The following PCDHGA1 variants were observed in gnomAD, a reference collection of about 807,000 sequenced individuals.
The protein encoded by PCDHGA1 is protocadherin gamma-A1.
Under a neutral mutation model 58.0 loss-of-function variants are expected in PCDHGA1, and 32 were observed. The observed-to-expected ratio is 0.55, with a 90% CI of 0.42 to 0.74. The LOEUF (loss-of-function observed/expected upper bound fraction) is 0.74, where lower values mean the gene tolerates loss of function less well. Ranked by LOEUF, PCDHGA1 falls within the 30% of genes least tolerant of loss-of-function variation. PCDHGA1 has a pLI of 0.00. For missense variants in PCDHGA1, 1,205 were observed against 1,182.3 expected, an observed-to-expected ratio of 1.02 and a Z score of -0.28; for synonymous variants, 498 against 501.1, an observed-to-expected ratio of 0.99 and a Z score of 0.08.
chr5:141,408,918 C>T, intron 1 of PCDHGA1: 1 of 1,613,408 alleles, frequency 6.2e-7, no homozygotes. Flanking sequence ...AATGATAACC[C>T]CCCGGTTTTC....
At position 141,330,885 on chromosome 5, in the gene PCDHGA1, C is replaced by T. The variant is rs369088470; in HGVS notation, c.201C>T (p.Val67=). 1.2e-6 allele frequency: 2 copies of T among 1,614,120 alleles called. No homozygotes were observed. The highest frequency in any genetic ancestry group is 2.7e-5 in the African/African-American group (2 of 74,934). Residue 67 remains valine (V), a synonymous_variant, in exon 1 of 4, where the codon GTC becomes GTT. Transcript: ENST00000517417. ...QELADGGVRI[V]SRGRMPLFAL... is the part of the protein sequence containing the mutation. ...TGGCAGATGGCGGAGTCCGCATCGT[C>T]TCCAGAGGTAGGATGCCGCTTTTCG...
At chr5:141,395,253 T>G (rs765397414) in intron 1 of PCDHGA1, 1 of 1,557,696 alleles carries the variant, frequency 6.4e-7, no homozygotes, top group Admixed American at 2.0e-5. Flanking sequence ...TTTAGTTCTT[T>G]GCTTGCTTTT....
chr5:141,492,719 C>A (rs1367632029), intron 1 of PCDHGA1, among the ~76,000 whole-genome samples: 1 of 152,280 alleles, frequency 6.6e-6, no homozygotes, highest in Non-Finnish European at 1.5e-5. Context: ...AGCAGGCGGA[C>A]AGGCAGAGCT....
chr5:141,436,068 T>A (rs1343785335), intron 1 of PCDHGA1, among the ~76,000 whole-genome samples: 1 of 152,190 alleles, frequency 6.6e-6, no homozygotes, highest in Non-Finnish European at 1.5e-5. Flanking sequence ...ATTTAATAAG[T>A]ACAGTGTTCT....
At chr5:141,447,209 G>A (rs1004956165) in intron 1 of PCDHGA1, among the ~76,000 whole-genome samples, 3 of 151,850 alleles carry the variant, frequency 2.0e-5, no homozygotes, top group East Asian at 3.9e-4. Context: ...GCTTGATCTC[G>A]GCTCACTGCA....
chr5:141,355,969 G>A (rs1359465657), intron 1 of PCDHGA1: 6 of 1,613,732 alleles, frequency 3.7e-6, no homozygotes, highest in Middle Eastern at 3.3e-4. Context: ...GAACGTTCCT[G>A]TAGGCACTCG....
At chr5:141,496,080 C>G (rs2099765822) in intron 2 of PCDHGA1, among the ~76,000 whole-genome samples, 2 of 152,150 alleles carry the variant, frequency 1.3e-5, no homozygotes, top group East Asian at 1.9e-4. Context: ...ACACAACCCC[C>G]CACCCACCAC....
intron 1 of PCDHGA1, chr5:141,399,663 G>C: frequency 6.2e-7 from 1 of 1,613,624 alleles, no homozygotes; most frequent in Non-Finnish European, 8.5e-7. Context: ...TGGTGTTCGC[G>C]CAGCGCGCCT....
At chr5:141,376,674 TCG>T in intron 1 of PCDHGA1, 1 of 648,166 alleles carries the variant, frequency 1.5e-6, no homozygotes, top group South Asian at 2.1e-5. Context: ...GGTGAGGGTA[TCG>T]TTTTTTTTTT....
At chr5:141,377,717 T>C (rs1025721438) in intron 1 of PCDHGA1, 1 of 152,222 alleles carries the variant, frequency 6.6e-6, no homozygotes, top group African/African-American at 2.4e-5. Context: ...AAATTATTTT[T>C]GAAAAGATAA....
intron 1 of PCDHGA1, chr5:141,352,470 C>A (rs1356283636): frequency 6.2e-7 from 1 of 1,614,016 alleles, no homozygotes; most frequent in East Asian, 2.2e-5. Flanking sequence ...GGGGTTCCTC[C>A]CAACCACAGC....
chr5:141,461,667 G>C (rs1337688159), intron 1 of PCDHGA1, among the ~76,000 whole-genome samples: 4 of 151,994 alleles, frequency 2.6e-5, no homozygotes, highest in African/African-American at 9.7e-5. Context: ...TTTAAAGTTT[G>C]TTATTTTGTT....
At chr5:141,419,630 G>T in intron 1 of PCDHGA1, 2 of 1,612,430 alleles carry the variant, frequency 1.2e-6, no homozygotes, top group African/African-American at 1.3e-5. Flanking sequence ...GGTGACCAAG[G>T]TGGTGGCCGT....
intron 1 of PCDHGA1, among the ~76,000 whole-genome samples, chr5:141,359,356 A>G (rs1412522225): frequency 1.3e-5 from 2 of 152,160 alleles, no homozygotes; most frequent in Non-Finnish European, 2.9e-5. Flanking sequence ...CATGTTTTAA[A>G]GGCCTAGGAA....
chr5:141,366,397 C>G, intron 1 of PCDHGA1: 2 of 1,614,182 alleles, frequency 1.2e-6, no homozygotes, highest in African/African-American at 1.3e-5. Flanking sequence ...ATCTGGACCT[C>G]ACACTCTATC....
At position 141,494,854 on chromosome 5, in the gene PCDHGA1, C is replaced by T. The variant is rs1353498253; in HGVS notation, c.2469C>T (p.Pro823=). ...TDWRFSQAQR[P]GTSGSQNGDD... The stretch of plus-strand genomic sequence containing the variant: ...GGCGTTTCTCTCAGGCCCAGAGACC[C>T]GGCACCAGCGGGTAGGTGACTGATT... The change falls in exon 2 of 4, where the codon CCC becomes CCT. Residue 823 remains proline (P), a synonymous_variant. Coordinates refer to ENST00000517417, the MANE Select transcript of PCDHGA1 (RefSeq NM_018912.3). 1.2e-6 allele frequency: 2 copies of T among 1,614,120 alleles called. No homozygotes were observed. Among genetic ancestry groups the T allele is most frequent in the East Asian group, 2.2e-5 (1 of 44,870 alleles).
At position 141,438,276 on chromosome 5, in the gene PCDHGA1, ATAATT is replaced by A. The variant is rs533892835; in HGVS notation, c.2422-56526_2422-56522del. ...TGAAGAGACCATAGAATCAAACAAA[ATAATT>A]TAATCTGTATGTAAAAGAAGTTGGT... On this transcript the variant is annotated intron_variant, in intron 1 of 3. Coordinates refer to ENST00000517417, the MANE Select transcript of PCDHGA1 (RefSeq NM_018912.3). 1.4e-3 allele frequency among the ~76,000 whole-genome samples: 213 copies of A among 152,246 alleles called. 1 individual carries two copies. The highest frequency in any genetic ancestry group is 4.8e-3 in the African/African-American group (199 of 41,534).
intron 1 of PCDHGA1, chr5:141,345,187 T>TAA (rs751711051): frequency 6.2e-7 from 1 of 1,614,016 alleles, no homozygotes; most frequent in Non-Finnish European, 8.5e-7. Context: ...GTTGAAGTTT[T>TAA]TGTCCTGGGA....
At chr5:141,497,664 C>T (rs779506763) in intron 2 of PCDHGA1, among the ~76,000 whole-genome samples, 14 of 151,904 alleles carry the variant, frequency 9.2e-5, no homozygotes, top group Non-Finnish European at 1.8e-4. Context: ...CTCAGCCTCC[C>T]GAGTAGCTGG....
Sources: allele counts gnomAD v4.1 joint callset (sites outside exome capture counted in the v4.1 genomes callset), GRCh38; gene constraint gnomAD v4.1.1; transcripts MANE v1.5; gene names NCBI Gene and HGNC (gene_info 2026-07-23, HGNC 2026-07-21).